The following FER1L6 variants were observed in gnomAD, a reference collection of about 807,000 sequenced individuals.
FER1L6 encodes the protein fer-1 like family member 6, also known as fer-1-like protein 6.
A neutral mutation model predicts 219.2 loss-of-function variants in FER1L6; 177 were observed. That is an observed-to-expected ratio of 0.81 (90% CI 0.71 to 0.91). The LOEUF is 0.91. Among genes scored for constraint, FER1L6 ranks in the 40% least tolerant of loss-of-function variants. The pLI is 0.00. For missense variants in FER1L6, 2,153 were observed against 2,259.9 expected, an observed-to-expected ratio of 0.95 and a Z score of 0.96; for synonymous variants, 768 against 824.3, an observed-to-expected ratio of 0.93 and a Z score of 1.17.
At chr8:124,006,179 GC>G (rs1182624625) in intron 13 of FER1L6, among the ~76,000 whole-genome samples, 1 of 152,174 alleles carries the variant, frequency 6.6e-6, no homozygotes, top group Non-Finnish European at 1.5e-5. Context: ...TTGCACTGGG[GC>G]CAGGCAGTGA....
At chr8:124,091,741 C>T (rs1019546239) in intron 34 of FER1L6, among the ~76,000 whole-genome samples, 158 bp downstream of exon 34, 8 of 151,656 alleles carry the variant, frequency 5.3e-5, no homozygotes, top group Non-Finnish European at 8.8e-5. Flanking sequence ...CTGAGGCGGG[C>T]GGATCACTTG....
Position 123,959,227 on chromosome 8 carries a change from C to T in FER1L6, c.76+3153C>T, listed in dbSNP as rs571378101. Among the ~76,000 whole-genome samples, 3 of 152,296 alleles carry T rather than the reference C, an allele frequency of 2.0e-5. No homozygotes were observed. In the East Asian group the frequency reaches 5.8e-4, roughly 29 times the overall value. On this transcript the variant is annotated intron_variant, in intron 2 of 40. Transcript: ENST00000522917. ...CTTTCTACCTCGATGTCTCACCCTA[C>T]AGAATGTACAGAATGAACGCCCCTA...
intron 1 of FER1L6, among the ~76,000 whole-genome samples, chr8:123,943,166 A>G (rs1210726583): frequency 6.6e-6 from 1 of 152,204 alleles, no homozygotes; most frequent in Admixed American, 6.5e-5. Flanking sequence ...AACTTACCAA[A>G]AGTAAAGTGC....
Position 124,045,810 on chromosome 8 carries a change from T to C in FER1L6, c.2633T>C (p.Leu878Pro). ...TLSPTWNQML[L>P]FNDLVLHGDV... Reference sequence around the variant, plus strand: ...TCTCCGACCTGGAACCAGATGCTGCTGTTCAATGATTTGGTGCTGCATGGA... The same window carrying C: ...TCTCCGACCTGGAACCAGATGCTGCCGTTCAATGATTTGGTGCTGCATGGA... Residue 878 changes from leucine to proline, a missense_variant, in exon 21 of 41, where the codon CTG becomes CCG. By Grantham distance (98) the Leu-to-Pro change is moderately conservative (BLOSUM62 -3). Transcript: ENST00000522917. 6.2e-7 allele frequency: 1 copy of C among 1,614,148 alleles called. No individual in the cohort carries two copies. Among genetic ancestry groups the C allele is most frequent in the Non-Finnish European group, 8.5e-7 (1 of 1,180,000 alleles).
chr8:123,981,223 A>G (rs886332660), intron 11 of FER1L6, among the ~76,000 whole-genome samples: 1 of 152,156 alleles, frequency 6.6e-6, no homozygotes, highest in African/African-American at 2.4e-5. Flanking sequence ...AGTAGGTGAC[A>G]AGCTGGGATA....
intron 36 of FER1L6, 81 bp downstream of exon 36, chr8:124,097,440 G>C: frequency 9.5e-7 from 1 of 1,049,886 alleles, no homozygotes; most frequent in Non-Finnish European, 1.5e-6. Flanking sequence ...TCTGGTGTCT[G>C]ACAGGTTACC....
chr8:123,919,026 G>A (rs1813277833), intron 1 of FER1L6, among the ~76,000 whole-genome samples: 1 of 152,170 alleles, frequency 6.6e-6, no homozygotes, highest in African/African-American at 2.4e-5. Flanking sequence ...CCCCAGGGGA[G>A]GCAGTACAAT....
chr8:124,080,333 T>TC (rs1047872167), intron 32 of FER1L6, among the ~76,000 whole-genome samples: 9 of 152,122 alleles, frequency 5.9e-5, no homozygotes, highest in Non-Finnish European at 1.0e-4. Flanking sequence ...ACTTTTTTTT[T>TC]CAAGATGGAG....
intron 1 of FER1L6, among the ~76,000 whole-genome samples, chr8:123,922,461 A>G (rs1813395023): frequency 6.6e-6 from 1 of 152,224 alleles, no homozygotes; most frequent in African/African-American, 2.4e-5. Context: ...CCTGGTCAGA[A>G]GCAGGCTTAG....
chr8:124,029,944 A>C (rs12679096), intron 18 of FER1L6, among the ~76,000 whole-genome samples: 39,967 of 152,102 alleles, frequency 0.26, 5,441 homozygotes, highest in East Asian at 0.44. Context: ...TTTTTGTATA[A>C]GGTTTAAGGA....
intron 33 of FER1L6, among the ~76,000 whole-genome samples, chr8:124,084,553 G>A (rs1821706546): frequency 6.6e-6 from 1 of 152,100 alleles, no homozygotes; most frequent in Admixed American, 6.6e-5. Flanking sequence ...TGTTGATAAT[G>A]ATGTATCACA....
At chr8:124,083,061 CAT>C (rs959395039) in intron 33 of FER1L6, among the ~76,000 whole-genome samples, 2 of 151,678 alleles carry the variant, frequency 1.3e-5, no homozygotes, top group African/African-American at 4.8e-5. Flanking sequence ...GGGTATATGA[CAT>C]ATTTTGATAC....
chr8:124,006,114 T>A (rs1817644948), intron 13 of FER1L6, among the ~76,000 whole-genome samples: 2 of 152,244 alleles, frequency 1.3e-5, no homozygotes, highest in South Asian at 4.1e-4. Context: ...AGGGAACAGC[T>A]GGATCTGCAG....
At chr8:123,998,545 T>C (rs1817255072) in intron 12 of FER1L6, among the ~76,000 whole-genome samples, 1 of 152,008 alleles carries the variant, frequency 6.6e-6, no homozygotes, top group Non-Finnish European at 1.5e-5. Context: ...CTAAGGCCCA[T>C]GATGACCACT....
At chr8:124,078,645 A>T (rs1298191503) in intron 32 of FER1L6, among the ~76,000 whole-genome samples, 1 of 151,660 alleles carries the variant, frequency 6.6e-6, no homozygotes, top group Non-Finnish European at 1.5e-5. Context: ...GAGAGCATCA[A>T]ATAAATGCGT....
intron 37 of FER1L6, among the ~76,000 whole-genome samples, chr8:124,100,221 A>G (rs1393066369): frequency 6.6e-6 from 1 of 152,204 alleles, no homozygotes; most frequent in Non-Finnish European, 1.5e-5. Flanking sequence ...AATAAAAAGT[A>G]CTTATTTTCT....
chr8:124,029,945 G>A (rs941546288), intron 18 of FER1L6, among the ~76,000 whole-genome samples: 3 of 152,126 alleles, frequency 2.0e-5, no homozygotes, highest in African/African-American at 7.2e-5. Flanking sequence ...TTTTGTATAA[G>A]GTTTAAGGAA....
intron 14 of FER1L6, among the ~76,000 whole-genome samples, chr8:124,010,975 C>G (rs1412894077): frequency 1.3e-5 from 2 of 152,126 alleles, no homozygotes; most frequent in Non-Finnish European, 2.9e-5. Flanking sequence ...TAGGTATGGG[C>G]TGTTTTTCTA....
rs200692870 is a variant in FER1L6 at position 124,010,749 on chromosome 8, T to A, written c.1821+35T>A. On this transcript the variant is annotated intron_variant, in intron 14 of 40. Transcript: ENST00000522917. The stretch of plus-strand genomic sequence containing the variant: ...TCTGACAGGTGATGGATTAGAGAAT[T>A]GGGAAGCTGGTGGGGGAAGGGATTT... 8.7e-6 allele frequency: 14 copies of A among 1,606,708 alleles called. No homozygotes were observed. The Admixed American group carries it at 2.2e-4, about 25-fold the overall frequency.
Sources: gnomAD v4.1 joint callset for allele counts (sites outside exome capture counted in the v4.1 genomes callset) on GRCh38, gnomAD v4.1.1 for gene constraint, MANE v1.5 for transcripts, NCBI Gene and HGNC (gene_info 2026-07-23, HGNC 2026-07-21) for gene names.